UBR7: variants seen among roughly 807,000 people sequenced by gnomAD.
UBR7 encodes ubiquitin protein ligase E3 component n-recognin 7.
Under a neutral mutation model 57.0 loss-of-function variants are expected in UBR7, and 22 were observed. That is an observed-to-expected ratio of 0.39 (90% confidence interval 0.28 to 0.55). The LOEUF is 0.55. Among genes scored for constraint, UBR7 ranks in the 20% least tolerant of loss-of-function variants. The pLI, the probability that UBR7 is intolerant of heterozygous loss-of-function variation, is 0.69. For missense variants in UBR7, 395 were observed against 513.2 expected (o/e 0.77, Z 2.23); for synonymous variants, 167 against 179.8 (o/e 0.93, Z 0.57).
intron 3 of UBR7, among the ~76,000 whole-genome samples, chr14:93,211,482 G>T (rs1182274857): frequency 6.6e-6 from 1 of 152,070 alleles, no homozygotes; most frequent in Non-Finnish European, 1.5e-5. Context: ...AGGAGGCGGA[G>T]GTTGCAGTTA....
chr14:93,215,394 T>A, intron 6 of UBR7, 113 bp downstream of exon 6: 1 of 1,000,038 alleles, frequency 1.0e-6, no homozygotes, highest in Non-Finnish European at 1.5e-6. Flanking sequence ...TATAAAATAG[T>A]ATATGTTCTG....
At chr14:93,215,995 C>A (rs1037559863) in intron 6 of UBR7, among the ~76,000 whole-genome samples, 1 of 152,162 alleles carries the variant, frequency 6.6e-6, no homozygotes, top group Non-Finnish European at 1.5e-5. Context: ...AGATATTTCT[C>A]ACAGTTCTGG....
chr14:93,227,139 G>A lies in UBR7; in HGVS notation c.*104G>A. ...TTTGGCCCCCTTTCCGTCCTCCTCTGTTTGGAGAGGCCTCGCGCTCCCTTC... is the reference window on the plus strand; with the variant it reads ...TTTGGCCCCCTTTCCGTCCTCCTCTATTTGGAGAGGCCTCGCGCTCCCTTC... On this transcript the variant is annotated 3_prime_UTR_variant, in exon 11 of 11. Coordinates refer to ENST00000013070, the MANE Select transcript of UBR7 (RefSeq NM_175748.4). The A allele has an allele frequency of 1.2e-6, 1 of 838,910 alleles. No individual in the cohort carries two copies. Among genetic ancestry groups the A allele is most frequent in the Admixed American group, 2.0e-5 (1 of 50,952 alleles). The allele number at this position is 838,910 out of a possible 1,614,324, so 52.0% of individuals were successfully genotyped here. A position where few individuals can be genotyped will look rare whatever the true frequency, so the allele number is the denominator to read the frequency against.
At chr14:93,222,007 G>A (rs1342329991) in intron 9 of UBR7, among the ~76,000 whole-genome samples, 1 of 151,680 alleles carries the variant, frequency 6.6e-6, no homozygotes, top group African/African-American at 2.4e-5. Context: ...GGTTATTTCA[G>A]CTACCAGAAT....
intron 6 of UBR7, among the ~76,000 whole-genome samples, chr14:93,217,059 C>T (rs991777434): frequency 1.3e-5 from 2 of 152,246 alleles, no homozygotes; most frequent in Admixed American, 1.3e-4. Context: ...CGGAATCTTG[C>T]TCTGTTGCCC....
At chr14:93,217,111 A>G (rs138863607) in intron 6 of UBR7, among the ~76,000 whole-genome samples, 2,245 of 151,502 alleles carry the variant, frequency 0.015, 22 homozygotes, top group Middle Eastern at 0.038. Flanking sequence ...ACTGTAACCT[A>G]TGCCTCCTGG....
chr14:93,226,842 A>C (rs1894863973), intron 10 of UBR7, 101 bp from the exon 11 acceptor site: 2 of 758,644 alleles, frequency 2.6e-6, no homozygotes, highest in Admixed American at 4.4e-5. Flanking sequence ...TCATTAACAT[A>C]ATTCTTAACA....
At chr14:93,210,528 C>A in intron 2 of UBR7, 120 bp from the exon 3 acceptor site, 1 of 815,502 alleles carries the variant, frequency 1.2e-6, no homozygotes, top group Non-Finnish European at 2.0e-6. Context: ...TAAATATTTG[C>A]TTTTGTACAT....
chr14:93,207,550 C>A, intron 1 of UBR7, 109 bp downstream of exon 1: 2 of 1,388,422 alleles, frequency 1.4e-6, no homozygotes, highest in Non-Finnish European at 1.9e-6. Context: ...CAGTGGTGGT[C>A]CGGGGCCGCC....
At chr14:93,225,400 G>T (rs767593857) in intron 10 of UBR7, among the ~76,000 whole-genome samples, 1 of 150,294 alleles carries the variant, frequency 6.7e-6, no homozygotes, top group Non-Finnish European at 1.5e-5. Context: ...GCTAAGGTGG[G>T]AGGATTGCTT....
chr14:93,214,852 T>C (rs527539771), intron 4 of UBR7, 77 bp from the exon 5 acceptor site: 2 of 1,285,696 alleles, frequency 1.6e-6, no homozygotes, highest in African/African-American at 2.9e-5. Context: ...ATTTAGTATC[T>C]TATTTTACTG....
chr14:93,219,828 A>C (rs1197304495), intron 8 of UBR7, among the ~76,000 whole-genome samples: 1 of 152,178 alleles, frequency 6.6e-6, no homozygotes, highest in Non-Finnish European at 1.5e-5. Flanking sequence ...ATACAAAATT[A>C]GCTGGGTGTG....
Position 93,228,784 on chromosome 14 carries a change from T to C in UBR7, c.*1749T>C, listed in dbSNP as rs1355004463. The stretch of plus-strand genomic sequence containing the variant: ...GTATACCATCATGTCCGGAAAACTT[T>C]TAATCTTCTCAAATATCTGATGTAA... On this transcript the variant is annotated 3_prime_UTR_variant, in exon 11 of 11. Coordinates refer to ENST00000013070, the MANE Select transcript of UBR7 (RefSeq NM_175748.4). 2.2e-6 allele frequency: 1 copy of C among 454,126 alleles called. No homozygotes were observed. Among genetic ancestry groups the C allele is most frequent in the Non-Finnish European group, 4.4e-6 (1 of 226,796 alleles). 28.1% of individuals were successfully genotyped at this position (454,126 alleles called of 1,614,324 possible). A position where few individuals can be genotyped will look rare whatever the true frequency, so the allele number is the denominator to read the frequency against.
At chr14:93,208,542 C>T (rs1894415504) in intron 1 of UBR7, among the ~76,000 whole-genome samples, 1 of 151,234 alleles carries the variant, frequency 6.6e-6, no homozygotes, top group Admixed American at 6.6e-5. Flanking sequence ...AAAATGGATT[C>T]CTTAATATTT....
In UBR7 at chr14:93,224,557, T is replaced by G. The variant is rs541538090; in HGVS notation, c.1185+2183T>G. 1.2e-4 allele frequency among the ~76,000 whole-genome samples: 18 copies of G among 152,136 alleles called. No individual in the cohort carries two copies. The East Asian group carries it at 3.3e-3, about 28-fold the overall frequency. ...CACGCCCGGCTAATGTTTTGTATTT[T>G]TAGTAGAGACGGGGTTTCACCGTGT... On this transcript the variant is annotated intron_variant, in intron 10 of 10. Coordinates refer to ENST00000013070, the MANE Select transcript of UBR7 (RefSeq NM_175748.4).
intron 10 of UBR7, among the ~76,000 whole-genome samples, chr14:93,223,394 C>CAA (rs34453404): frequency 0.67 from 63,467 of 94,038 alleles, 21,795 homozygotes; most frequent in East Asian, 0.84. Context: ...GACTCCATCT[C>CAA]AAAAAAAAAA....
At chr14:93,224,933 A>G (rs1894817012) in intron 10 of UBR7, among the ~76,000 whole-genome samples, 1 of 115,990 alleles carries the variant, frequency 8.6e-6, no homozygotes, top group South Asian at 2.7e-4. Flanking sequence ...TCTTTATTTT[A>G]TCACAAACAT....
At chr14:93,210,388 G>T (rs1223397541) in intron 2 of UBR7, among the ~76,000 whole-genome samples, 7 of 152,118 alleles carry the variant, frequency 4.6e-5, no homozygotes, top group Admixed American at 4.6e-4. Flanking sequence ...CAGCACTAAT[G>T]AAATTTAATG....
chr14:93,225,421 G>A (rs952580895), intron 10 of UBR7, among the ~76,000 whole-genome samples: 15 of 142,134 alleles, frequency 1.1e-4, no homozygotes, highest in Admixed American at 3.7e-4. Context: ...GAGCTCAGGA[G>A]TTCAAGACTA....
Sources: allele counts gnomAD v4.1 joint callset (sites outside exome capture counted in the v4.1 genomes callset), GRCh38; gene constraint gnomAD v4.1.1; transcripts MANE v1.5; gene names NCBI Gene and HGNC (gene_info 2026-07-23, HGNC 2026-07-21).